The following TMEM161A variants were observed in gnomAD, a reference collection of about 807,000 sequenced individuals.
The protein encoded by TMEM161A is transmembrane protein 161A.
A neutral mutation model predicts 57.1 loss-of-function variants in TMEM161A; 46 were observed. That is an observed-to-expected ratio of 0.81 (90% CI 0.64 to 1.03). The LOEUF (loss-of-function observed/expected upper bound fraction) is 1.03. Among genes scored for constraint, TMEM161A ranks in the 50% least tolerant of loss-of-function variants. The pLI is 0.00. For missense variants in TMEM161A, 601 were observed against 621.5 expected (o/e 0.97, Z 0.35); for synonymous variants, 288 against 279.0 (o/e 1.03, Z -0.32).
At position 19,121,285 on chromosome 19, in the gene TMEM161A, T is replaced by G. The variant is rs1422033032; in HGVS notation, c.914+23A>C. Reference sequence around the variant, plus strand: ...GGCACCCAGGGGAGCCCCAGCTACCTCCTAGCCCCACCCAATACGCACAGG... The same window carrying G: ...GGCACCCAGGGGAGCCCCAGCTACCGCCTAGCCCCACCCAATACGCACAGG... On this transcript the variant is annotated intron_variant, in intron 9 of 11. Coordinates refer to ENST00000162044, the MANE Select transcript of TMEM161A (RefSeq NM_017814.3). The surrounding 1 kb of genome is among the most constrained non-coding windows in gnomAD (Gnocchi z 5.8). 2 of 1,554,564 alleles carry G rather than the reference T, an allele frequency of 1.3e-6. No homozygotes were observed. The highest frequency in any genetic ancestry group is 2.4e-5 in the South Asian group (2 of 84,850).
chr19:19,131,296 C>T (rs2059957136), intron 5 of TMEM161A, among the ~76,000 whole-genome samples: 1 of 152,042 alleles, frequency 6.6e-6, no homozygotes, highest in African/African-American at 2.4e-5. Context: ...AGGTTTCCCA[C>T]TCCAAAAGTC....
At position 19,121,390 on chromosome 19, in the gene TMEM161A, G is replaced by A. The variant is rs1255781203; in HGVS notation, c.832C>T (p.Leu278=). ...FLLHTSFLSP[L]FILWLWTKPI... The stretch of plus-strand genomic sequence containing the variant: ...TTTGTCCAGAGCCACAGGATGAACA[G>A]GGGAGACAGGAAGCTGGTGTGCAGG... Residue 278 remains leucine, a synonymous_variant, in exon 9 of 12, where the codon CTG becomes TTG. Transcript: ENST00000162044. The surrounding 1 kb of genome is among the most constrained non-coding windows in gnomAD (Gnocchi z 5.8). The A allele has an allele frequency of 6.2e-7, 1 of 1,612,522 alleles. No individual in the cohort carries two copies. The highest frequency in any genetic ancestry group is 1.7e-5 in the Admixed American group (1 of 59,754).
intron 6 of TMEM161A, among the ~76,000 whole-genome samples, chr19:19,125,254 A>T (rs2059925240): frequency 6.6e-6 from 1 of 152,204 alleles, no homozygotes. Flanking sequence ...AGACACTCAA[A>T]TTTGACCCCT....
chr19:19,121,183 G>A lies in TMEM161A; in HGVS notation c.915-17C>T. 1.3e-6 allele frequency: 2 copies of A among 1,586,694 alleles called. No individual in the cohort carries two copies. The highest frequency in any genetic ancestry group is 1.7e-6 in the Non-Finnish European group (2 of 1,166,148). ...TCGGACAGCCTGTGCGGAGAGGGCC[G>A]GGGGCAAGGGACTAAGAAGGTCGCC... On this transcript the variant is annotated splice_polypyrimidine_tract_variant and intron_variant, in intron 9 of 11. Transcript: ENST00000162044. The surrounding 1 kb of genome is among the most constrained non-coding windows in gnomAD (Gnocchi z 5.8).
Position 19,132,990 on chromosome 19 carries a change from A to C in TMEM161A, c.188+140T>G. The stretch of plus-strand genomic sequence containing the variant: ...TCCTTGGACTAGGGTCTCCCGGTTC[A>C]CCTGTGCCCAGATCAGCGCCTGGAA... On this transcript the variant is annotated intron_variant, in intron 3 of 11. Transcript: ENST00000162044. The surrounding 1 kb of genome is among the most constrained non-coding windows in gnomAD (Gnocchi z 4.3). The C allele has an allele frequency of 2.5e-6, 2 of 787,266 alleles. No individual in the cohort carries two copies. Among genetic ancestry groups the C allele is most frequent in the Non-Finnish European group, 4.0e-6 (2 of 497,726 alleles). 48.8% of individuals were successfully genotyped at this position (787,266 alleles called of 1,614,324 possible).
Position 19,132,562 on chromosome 19 carries a change from G to C in TMEM161A, c.287-54C>G. ...GGCCCAGCTCGCTCCCCTCCTAATA[G>C]AACATTCTTCCTTCAAATCCTCCCC... is the stretch of plus-strand genomic sequence containing the variant. On this transcript the variant is annotated intron_variant, in intron 4 of 11. Coordinates refer to ENST00000162044, the MANE Select transcript of TMEM161A (RefSeq NM_017814.3). The surrounding 1 kb of genome is among the most constrained non-coding windows in gnomAD (Gnocchi z 4.3). 1 of 1,587,716 alleles carries C rather than the reference G, an allele frequency of 6.3e-7. No homozygotes were observed. Among genetic ancestry groups the C allele is most frequent in the South Asian group, 1.2e-5 (1 of 86,778 alleles).
intron 5 of TMEM161A, among the ~76,000 whole-genome samples, chr19:19,131,533 A>G (rs898678302): frequency 7.3e-6 from 1 of 136,610 alleles, no homozygotes; most frequent in Admixed American, 7.3e-5. Flanking sequence ...CACACACACA[A>G]TTTTTTGGGG....
intron 6 of TMEM161A, among the ~76,000 whole-genome samples, chr19:19,129,584 AAAAT>A (rs924383126): frequency 3.3e-5 from 5 of 152,052 alleles, no homozygotes; most frequent in African/African-American, 9.7e-5. Context: ...TGTTTCAATA[AAAAT>A]AAATAAATAA....
At chr19:19,123,333 T>A (rs1013028325) in intron 6 of TMEM161A, among the ~76,000 whole-genome samples, 3 of 152,128 alleles carry the variant, frequency 2.0e-5, no homozygotes, top group African/African-American at 7.2e-5. Context: ...TCAAACCATG[T>A]AAATAAAAAG....
chr19:19,126,396 A>C (rs925076957), intron 6 of TMEM161A, among the ~76,000 whole-genome samples: 1 of 152,150 alleles, frequency 6.6e-6, no homozygotes. Flanking sequence ...GAAGTGGATA[A>C]ATTTGGAACA....
chr19:19,119,882 C>T lies in TMEM161A; in HGVS notation c.*48G>A, dbSNP rs2059898641. On this transcript the variant is annotated 3_prime_UTR_variant, in exon 12 of 12. Coordinates refer to ENST00000162044, the MANE Select transcript of TMEM161A (RefSeq NM_017814.3). ...AAACAGAGGGGGCAGGCTAGTGTCC[C>T]GCTGCCCCAGGAACAGACCTCAGGG... 2 of 1,536,574 alleles carry T rather than the reference C, an allele frequency of 1.3e-6. No homozygotes were observed. Among genetic ancestry groups the T allele is most frequent in the Non-Finnish European group, 1.8e-6 (2 of 1,139,262 alleles).
chr19:19,127,403 G>T (rs544384443), intron 6 of TMEM161A, among the ~76,000 whole-genome samples: 1 of 143,342 alleles, frequency 7.0e-6, no homozygotes, highest in Non-Finnish European at 1.5e-5. Context: ...CACTGCAAGC[G>T]CCGCCTCCTG....
chr19:19,132,879 C>A lies in TMEM161A; in HGVS notation c.189-125G>T. 1.2e-6 allele frequency: 1 copy of A among 845,906 alleles called. No individual in the cohort carries two copies. The highest frequency in any genetic ancestry group is 1.8e-6 in the Non-Finnish European group (1 of 553,698). The allele number at this position is 845,906 out of a possible 1,614,324, so 52.4% of individuals were successfully genotyped here. A position where few individuals can be genotyped will look rare whatever the true frequency, so the allele number is the denominator to read the frequency against. Reference sequence around the variant, plus strand: ...TCCACAACCTTGGCTCCTCTGCACACTGGGATATGGGGATCCCCCCACCCA... The same window carrying A: ...TCCACAACCTTGGCTCCTCTGCACAATGGGATATGGGGATCCCCCCACCCA... On this transcript the variant is annotated intron_variant, in intron 3 of 11. Coordinates refer to ENST00000162044, the MANE Select transcript of TMEM161A (RefSeq NM_017814.3). This position sits in a 1 kb window ranked among gnomAD's most constrained non-coding sequence, Gnocchi z 4.3.
intron 2 of TMEM161A, 143 bp downstream of exon 2, chr19:19,134,641 T>C: frequency 1.6e-6 from 1 of 615,860 alleles, no homozygotes; most frequent in Non-Finnish European, 2.9e-6. Flanking sequence ...CAGTTTGTTG[T>C]ACTTCAATTA....
chr19:19,122,114 G>GGC (rs2059913880), intron 6 of TMEM161A, among the ~76,000 whole-genome samples: 1 of 151,860 alleles, frequency 6.6e-6, no homozygotes, highest in South Asian at 2.1e-4. Context: ...CCAATGCAGT[G>GGC]AAACCCCCGT....
chr19:19,122,202 G>A (rs542805217), intron 6 of TMEM161A, among the ~76,000 whole-genome samples: 2 of 152,320 alleles, frequency 1.3e-5, no homozygotes, highest in African/African-American at 2.4e-5. Context: ...GCTGAGGCAG[G>A]AGAATCGCTT....
rs977038450 is a variant in TMEM161A at position 19,136,016 on chromosome 19, C to CT, written c.4-1130dup. ...CATGTGCCAACACACCCAGCTAAGG[C>CT]TTTTTTTTTTTTTAATTAGGAATTT... On this transcript the variant is annotated intron_variant, in intron 1 of 11. Transcript: ENST00000162044. Among the ~76,000 whole-genome samples the CT allele has an allele frequency of 4.4e-4, 63 of 142,332 alleles. 1 individual carries two copies. Among genetic ancestry groups the CT allele is most frequent in the East Asian group, 2.2e-3 (11 of 4,938 alleles). 93.4% of individuals were successfully genotyped at this position (142,332 alleles called of 152,430 possible). A position where few individuals can be genotyped will look rare whatever the true frequency, so the allele number is the denominator to read the frequency against.
chr19:19,134,823 G>GGC lies in TMEM161A; in HGVS notation c.66_67dup (p.Pro23ArgfsTer123), dbSNP rs1471725275. 6.3e-6 allele frequency: 10 copies of GGC among 1,596,070 alleles called. No individual in the cohort carries two copies. Among genetic ancestry groups the GGC allele is most frequent in the Non-Finnish European group, 8.5e-6 (10 of 1,172,352 alleles). On this transcript the variant is annotated frameshift_variant, in exon 2 of 12. Coordinates refer to ENST00000162044, the MANE Select transcript of TMEM161A (RefSeq NM_017814.3). LOFTEE classifies it high-confidence loss of function. ...CAGCCAGCGCGCGAAGGAGCAGTGTGGCGCCAGCCTGTGCATGAGGGTGGC... is the reference window on the plus strand; with the variant it reads ...CAGCCAGCGCGCGAAGGAGCAGTGTGGCGCGCCAGCCTGTGCATGAGGGTGGC...
chr19:19,133,964 T>A (rs1013643287), intron 2 of TMEM161A, among the ~76,000 whole-genome samples: 8 of 152,016 alleles, frequency 5.3e-5, no homozygotes, highest in Non-Finnish European at 8.8e-5. Flanking sequence ...AGAGACAGGG[T>A]CTTGCCATGT....
Sources: allele counts gnomAD v4.1 joint callset (sites outside exome capture counted in the v4.1 genomes callset), GRCh38; gene constraint gnomAD v4.1.1; non-coding constraint Gnocchi (gnomAD v3.1); transcripts MANE v1.5; gene names NCBI Gene and HGNC (gene_info 2026-07-23, HGNC 2026-07-21).